CTNNA2: variants seen among roughly 807,000 people sequenced by gnomAD.
CTNNA2 encodes the protein catenin alpha-2.
In CTNNA2, 42 loss-of-function variants were observed where a neutral mutation model predicts 101.0. The ratio of observed to expected loss-of-function variants is 0.42; its 90% confidence interval spans 0.32 to 0.54. The LOEUF is 0.54. CTNNA2 is among the 20% of genes least tolerant of loss of function. The pLI is 0.14. For synonymous variants in CTNNA2, 450 were observed against 456.4 expected, an observed-to-expected ratio of 0.99 and a Z score of 0.18; for missense variants, 871 against 1,223.1, an observed-to-expected ratio of 0.71 and a Z score of 4.29.
intron 3 of CTNNA2, among the ~76,000 whole-genome samples, chr2:79,840,191 T>C (rs1447479639): frequency 6.6e-6 from 1 of 152,216 alleles, no homozygotes; most frequent in Non-Finnish European, 1.5e-5. Flanking sequence ...AGACAACAAG[T>C]TTCTTTACCA....
chr2:79,977,933 G>A (rs1690983776), intron 7 of CTNNA2, among the ~76,000 whole-genome samples: 1 of 152,040 alleles, frequency 6.6e-6, no homozygotes, highest in East Asian at 1.9e-4. Flanking sequence ...AGCTTGGGTG[G>A]TGAGTACAGT....
intron 7 of CTNNA2, chr2:80,163,234 T>A: frequency 1.2e-6 from 1 of 829,674 alleles, no homozygotes. Context: ...TTATAGTAGA[T>A]TATATTGATT....
At chr2:79,877,014 A>C (rs1205035315) in intron 6 of CTNNA2, among the ~76,000 whole-genome samples, 2 of 151,728 alleles carry the variant, frequency 1.3e-5, no homozygotes, top group African/African-American at 4.8e-5. Flanking sequence ...TATTTTATTA[A>C]CTTTAAACTT....
intron 4 of CTNNA2, among the ~76,000 whole-genome samples, chr2:79,414,437 G>C (rs910487441): frequency 6.6e-6 from 1 of 151,818 alleles, no homozygotes; most frequent in Non-Finnish European, 1.5e-5. Flanking sequence ...GTTATCAAAC[G>C]CTCATACACA....
At chr2:79,636,269 CAAAAAAA>C (rs57739991) in intron 1 of CTNNA2, among the ~76,000 whole-genome samples, 141 of 67,204 alleles carry the variant, frequency 2.1e-3, no homozygotes, top group Non-Finnish European at 3.4e-3. Context: ...GACTCTGTCT[CAAAAAAA>C]AAAAAAAAAA....
intron 7 of CTNNA2, among the ~76,000 whole-genome samples, chr2:80,301,002 G>C (rs926786827): frequency 2.6e-5 from 4 of 151,396 alleles, no homozygotes; most frequent in Admixed American, 2.0e-4. Context: ...CTGAGAAGAG[G>C]CAGCTTTTCT....
intron 2 of CTNNA2, among the ~76,000 whole-genome samples, chr2:79,672,029 A>G (rs1256628570): frequency 6.6e-6 from 1 of 152,042 alleles, no homozygotes; most frequent in Non-Finnish European, 1.5e-5. Context: ...ACAAATACCT[A>G]TTTTCTTATT....
intron 7 of CTNNA2, among the ~76,000 whole-genome samples, chr2:80,250,586 T>G (rs552434857): frequency 1.3e-3 from 192 of 152,160 alleles, no homozygotes; most frequent in Non-Finnish European, 2.5e-3. Flanking sequence ...GTGGAATGTT[T>G]TAGAGAACAC....
At chr2:79,643,153 T>C (rs1322238959) in intron 1 of CTNNA2, among the ~76,000 whole-genome samples, 1 of 152,074 alleles carries the variant, frequency 6.6e-6, no homozygotes, top group Non-Finnish European at 1.5e-5. Context: ...ATCGTGCCGC[T>C]TCACTCCAGC....
chr2:80,521,452 G>A lies in CTNNA2; in HGVS notation c.1291-23530G>A, dbSNP rs544118045. ...GAATATGTTACTTCATGTGGCAAAGGGGAATTAAGGTTGCAAATGGAATTA... is the reference window on the plus strand; with the variant it reads ...GAATATGTTACTTCATGTGGCAAAGAGGAATTAAGGTTGCAAATGGAATTA... On this transcript the variant is annotated intron_variant, in intron 9 of 18. Coordinates refer to ENST00000402739, the MANE Select transcript of CTNNA2 (RefSeq NM_001282597.3). 5.9e-5 allele frequency among the ~76,000 whole-genome samples: 9 copies of A among 152,278 alleles called. No individual in the cohort carries two copies. The East Asian group carries it at 1.7e-3, about 29-fold the overall frequency.
At position 79,686,623 on chromosome 2, in the gene CTNNA2, G is replaced by C. The variant is rs1037034887; in HGVS notation, c.102+34965G>C. Among the ~76,000 whole-genome samples the C allele has an allele frequency of 3.9e-5, 6 of 152,180 alleles. No homozygotes were observed. In the East Asian group the frequency reaches 5.8e-4, roughly 15 times the overall value. On this transcript the variant is annotated intron_variant, in intron 2 of 18. Transcript: ENST00000402739. Reference sequence around the variant, plus strand: ...TTTATCAACAGAATGAGAGGAAGAAGTAATAAATAAGGAAGAAAGTACAGT... The same window carrying C: ...TTTATCAACAGAATGAGAGGAAGAACTAATAAATAAGGAAGAAAGTACAGT...
intron 7 of CTNNA2, among the ~76,000 whole-genome samples, chr2:80,259,636 T>G (rs1672443418): frequency 6.6e-6 from 1 of 152,216 alleles, no homozygotes. Flanking sequence ...AAGGTGTTCC[T>G]GGGACATAAA....
At chr2:80,024,088 G>GGA (rs1694769234) in intron 7 of CTNNA2, among the ~76,000 whole-genome samples, 1 of 54,744 alleles carries the variant, frequency 1.8e-5, no homozygotes, top group Admixed American at 1.7e-4. Context: ...CTCCGTCTCA[G>GGA]AAAAAAAAAA....
chr2:79,368,647 A>G (rs950982625), intron 3 of CTNNA2, among the ~76,000 whole-genome samples: 3 of 152,168 alleles, frequency 2.0e-5, no homozygotes, highest in African/African-American at 7.2e-5. Flanking sequence ...CATGAGACAC[A>G]TGACAGGCTT....
chr2:79,590,440 T>TCC (rs1676771661), intron 1 of CTNNA2, among the ~76,000 whole-genome samples: 1 of 152,194 alleles, frequency 6.6e-6, no homozygotes, highest in East Asian at 1.9e-4. Flanking sequence ...CATGTGATAC[T>TCC]TTCTAAGTAA....
chr2:79,716,643 G>A (rs1686125196), intron 2 of CTNNA2, among the ~76,000 whole-genome samples: 2 of 152,174 alleles, frequency 1.3e-5, no homozygotes, highest in African/African-American at 4.8e-5. Flanking sequence ...GGGAACGGCA[G>A]TTCACAGTGA....
intron 9 of CTNNA2, among the ~76,000 whole-genome samples, chr2:80,505,300 C>T (rs1400378403): frequency 6.6e-6 from 1 of 152,158 alleles, no homozygotes; most frequent in Non-Finnish European, 1.5e-5. Context: ...CCCCAGGGCT[C>T]GGCTTATCTC....
intron 1 of CTNNA2, among the ~76,000 whole-genome samples, chr2:79,531,730 G>A (rs547806984): frequency 6.6e-6 from 1 of 151,302 alleles, no homozygotes; most frequent in Non-Finnish European, 1.5e-5. Flanking sequence ...TGCCCAGGCT[G>A]GAGTGCAATG....
intron 3 of CTNNA2, among the ~76,000 whole-genome samples, chr2:79,748,896 G>A (rs773601752): frequency 9.2e-5 from 14 of 152,026 alleles, no homozygotes; most frequent in Non-Finnish European, 1.2e-4. Context: ...GAACCCCTAT[G>A]GACTCTGATG....
Sources: gnomAD v4.1 joint callset for allele counts (sites outside exome capture counted in the v4.1 genomes callset) on GRCh38, gnomAD v4.1.1 for gene constraint, MANE v1.5 for transcripts, NCBI Gene and HGNC (gene_info 2026-07-23, HGNC 2026-07-21) for gene names.